SLC9A9: variants seen among roughly 807,000 people sequenced by gnomAD.
SLC9A9 encodes solute carrier family 9 member A9.
SLC9A9 carries 62 observed loss-of-function variants against 77.8 expected under a neutral mutation model. That is an observed-to-expected ratio of 0.80 (90% CI 0.65 to 0.98). SLC9A9 has a LOEUF of 0.98. Among genes scored for constraint, SLC9A9 ranks in the 50% least tolerant of loss-of-function variants. SLC9A9 has a pLI of 0.00. For missense variants in SLC9A9, 775 were observed against 774.9 expected (o/e 1.00, Z 0.00); for synonymous variants, 320 against 283.5 (o/e 1.13, Z -1.29).
chr3:143,787,440 T>C (rs1444742270), intron 4 of SLC9A9, among the ~76,000 whole-genome samples: 2 of 152,248 alleles, frequency 1.3e-5, no homozygotes, highest in African/African-American at 2.4e-5. Context: ...TTAATTCCCC[T>C]GCTTACTACA....
intron 12 of SLC9A9, among the ~76,000 whole-genome samples, chr3:143,414,414 A>G (rs1026234613): frequency 6.6e-6 from 1 of 152,224 alleles, no homozygotes; most frequent in African/African-American, 2.4e-5. Flanking sequence ...AACAAACTGC[A>G]AGTTTGTGGC....
intron 12 of SLC9A9, among the ~76,000 whole-genome samples, chr3:143,406,052 T>A (rs2033972345): frequency 1.3e-5 from 2 of 152,226 alleles, no homozygotes; most frequent in Admixed American, 1.3e-4. Context: ...ACAAGCTTAG[T>A]TTTATTTTAA....
chr3:143,780,292 A>G (rs998429246), intron 4 of SLC9A9, among the ~76,000 whole-genome samples: 3 of 152,210 alleles, frequency 2.0e-5, no homozygotes, highest in Non-Finnish European at 4.4e-5. Context: ...AGATAGCCCA[A>G]TTAGTAAAAG....
At chr3:143,522,105 T>A (rs1215024352) in intron 9 of SLC9A9, among the ~76,000 whole-genome samples, 1 of 152,158 alleles carries the variant, frequency 6.6e-6, no homozygotes, top group African/African-American at 2.4e-5. Context: ...TCAGTTTGTG[T>A]CTCTCGACCT....
chr3:143,683,081 T>C (rs1471884863), intron 5 of SLC9A9, among the ~76,000 whole-genome samples: 2 of 152,174 alleles, frequency 1.3e-5, no homozygotes, highest in Non-Finnish European at 2.9e-5. Context: ...GATGGAATTG[T>C]GGTTATGTTT....
chr3:143,523,780 A>G (rs939040298), intron 9 of SLC9A9, among the ~76,000 whole-genome samples: 2 of 152,216 alleles, frequency 1.3e-5, no homozygotes, highest in African/African-American at 2.4e-5. Context: ...GTTGGAAGAC[A>G]ATAAATCATG....
intron 5 of SLC9A9, among the ~76,000 whole-genome samples, chr3:143,671,991 A>G (rs2039162013): frequency 6.6e-6 from 1 of 152,230 alleles, no homozygotes. Flanking sequence ...AGAGTCATCC[A>G]ACTTTCTTTA....
At chr3:143,692,716 C>T (rs985961585) in intron 5 of SLC9A9, among the ~76,000 whole-genome samples, 5 of 152,106 alleles carry the variant, frequency 3.3e-5, no homozygotes, top group African/African-American at 1.2e-4. Flanking sequence ...TGTTCTAGAG[C>T]AGGGGTGTCC....
chr3:143,292,638 T>C (rs2030063776), intron 14 of SLC9A9, among the ~76,000 whole-genome samples: 1 of 152,120 alleles, frequency 6.6e-6, no homozygotes, highest in Non-Finnish European at 1.5e-5. Context: ...CCTATGGTAA[T>C]AGGAAGGTCC....
At chr3:143,480,390 G>A (rs2035553296) in intron 11 of SLC9A9, among the ~76,000 whole-genome samples, 1 of 152,186 alleles carries the variant, frequency 6.6e-6, no homozygotes. Context: ...CTCAGCATTG[G>A]AGACTGTGAG....
At chr3:143,556,039 A>C (rs757573943) in intron 8 of SLC9A9, among the ~76,000 whole-genome samples, 15 of 152,250 alleles carry the variant, frequency 9.9e-5, no homozygotes, top group Non-Finnish European at 7.3e-5. Flanking sequence ...ACACATTTTG[A>C]AAATGTCTCA....
At chr3:143,545,874 A>G (rs967157008) in intron 9 of SLC9A9, among the ~76,000 whole-genome samples, 9 of 152,360 alleles carry the variant, frequency 5.9e-5, no homozygotes, top group African/African-American at 2.2e-4. Flanking sequence ...TATGCATTGC[A>G]GTCTTTAATC....
intron 4 of SLC9A9, among the ~76,000 whole-genome samples, chr3:143,709,859 C>T (rs1472262277): frequency 6.6e-6 from 1 of 152,068 alleles, no homozygotes; most frequent in East Asian, 1.9e-4. Context: ...CTCCATTATT[C>T]CTTTGATCTG....
chr3:143,663,793 G>A (rs1044648011), intron 5 of SLC9A9, among the ~76,000 whole-genome samples: 1 of 152,124 alleles, frequency 6.6e-6, no homozygotes, highest in Non-Finnish European at 1.5e-5. Context: ...AATGAACAAA[G>A]CCTCCAAGAA....
At position 143,743,642 on chromosome 3, in the gene SLC9A9, G is replaced by A. The variant is rs574560191; in HGVS notation, c.534-50335C>T. Among the ~76,000 whole-genome samples the A allele has an allele frequency of 9.9e-5, 15 of 152,258 alleles. No homozygotes were observed. In the South Asian group the frequency reaches 3.1e-3, roughly 32 times the overall value. On this transcript the variant is annotated intron_variant, in intron 4 of 15. Transcript: ENST00000316549. ...TGAATTGTGCCTGCCCACAGTGAGA[G>A]TGGCAGTCTTCCCCACTCAGTCCAG...
In SLC9A9 at chr3:143,416,166, G is replaced by GA. The variant is rs539282772; in HGVS notation, c.1470-34053dup. On this transcript the variant is annotated intron_variant, in intron 12 of 15. Transcript: ENST00000316549. ...ATTAGGAATTGCTCCTTTTGGATGAGAAAAAATGTTTTGCTGAGAAGGATC... is the reference window on the plus strand; with the variant it reads ...ATTAGGAATTGCTCCTTTTGGATGAGAAAAAAATGTTTTGCTGAGAAGGATC... Among the ~76,000 whole-genome samples, 667 of 152,254 alleles carry GA rather than the reference G, an allele frequency of 4.4e-3. 8 individuals are homozygous for GA. Among genetic ancestry groups the GA allele is most frequent in the Non-Finnish European group, 4.7e-3 (319 of 68,006 alleles).
chr3:143,537,333 T>C (rs2036606704), intron 9 of SLC9A9, among the ~76,000 whole-genome samples: 1 of 152,334 alleles, frequency 6.6e-6, no homozygotes, highest in East Asian at 1.9e-4. Flanking sequence ...TCTGGGAGTT[T>C]CCAAGAGGAG....
At chr3:143,504,855 T>A (rs1332050547) in intron 9 of SLC9A9, among the ~76,000 whole-genome samples, 4 of 151,734 alleles carry the variant, frequency 2.6e-5, no homozygotes, top group Non-Finnish European at 5.9e-5. Flanking sequence ...AGGGAAGAGG[T>A]CAGTTGTCCT....
chr3:143,789,341 T>G (rs2008150750), intron 4 of SLC9A9, among the ~76,000 whole-genome samples: 1 of 152,186 alleles, frequency 6.6e-6, no homozygotes, highest in Non-Finnish European at 1.5e-5. Flanking sequence ...AATTCTGTGC[T>G]TTTGTGGATT....
Sources: gnomAD v4.1 joint callset for allele counts (sites outside exome capture counted in the v4.1 genomes callset) on GRCh38, gnomAD v4.1.1 for gene constraint, MANE v1.5 for transcripts, NCBI Gene and HGNC (gene_info 2026-07-23, HGNC 2026-07-21) for gene names.